CCAR1: variants seen among roughly 807,000 people sequenced by gnomAD.
CCAR1 encodes the protein cell division cycle and apoptosis regulator 1, also known as cell division cycle and apoptosis regulator protein 1.
In CCAR1, 78 loss-of-function variants were observed where a neutral mutation model predicts 163.8. The observed-to-expected ratio is 0.48, with a 90% CI of 0.40 to 0.57. The LOEUF is 0.57. CCAR1 is among the 20% of genes least tolerant of loss of function. The pLI is 0.00. For missense variants in CCAR1, 1,019 were observed against 1,365.2 expected, an observed-to-expected ratio of 0.75 and a Z score of 4.00; for synonymous variants, 443 against 460.7, an observed-to-expected ratio of 0.96 and a Z score of 0.49.
In CCAR1 at chr10:68,749,604, G is replaced by A; in HGVS notation, c.1037G>A (p.Arg346Lys). The A allele has an allele frequency of 6.2e-7, 1 of 1,614,034 alleles. No individual in the cohort carries two copies. Among genetic ancestry groups the A allele is most frequent in the Non-Finnish European group, 8.5e-7 (1 of 1,179,910 alleles). Reference sequence around the variant, plus strand: ...CGTTCCCGGGAAAGATCTCCACGAAGAGAGCGAGAGCGATCACCTCGGAGA... The same window carrying A: ...CGTTCCCGGGAAAGATCTCCACGAAAAGAGCGAGAGCGATCACCTCGGAGA... Reference protein sequence around the residue: ...RKRSRERSPRRERERSPRRVR... With the variant: ...RKRSRERSPRKERERSPRRVR... The change falls in exon 10 of 25, where the codon AGA becomes AAA. Residue 346 changes from arginine (R) to lysine (K), a missense_variant. Coordinates refer to ENST00000265872, the MANE Select transcript of CCAR1 (RefSeq NM_018237.4).
At chr10:68,770,167 CTT>C (rs2056584892) in intron 17 of CCAR1, among the ~76,000 whole-genome samples, 1 of 152,058 alleles carries the variant, frequency 6.6e-6, no homozygotes, top group Non-Finnish European at 1.5e-5. Context: ...ACTATTCTCT[CTT>C]GTTATACTCT....
At chr10:68,770,905 G>A (rs2056593666) in intron 17 of CCAR1, among the ~76,000 whole-genome samples, 1 of 152,126 alleles carries the variant, frequency 6.6e-6, no homozygotes, top group South Asian at 2.1e-4. Flanking sequence ...GTGAAACCCT[G>A]TCTCTACTAA....
At chr10:68,775,732 T>A (rs1481807570) in intron 19 of CCAR1, among the ~76,000 whole-genome samples, 2 of 135,796 alleles carry the variant, frequency 1.5e-5, no homozygotes, top group Non-Finnish European at 3.1e-5. Flanking sequence ...AGTCTCACTC[T>A]GTTGCCCAGG....
intron 8 of CCAR1, 58 bp from the exon 9 acceptor site, chr10:68,749,078 T>C (rs1018352581): frequency 3.7e-6 from 6 of 1,603,038 alleles, no homozygotes; most frequent in Non-Finnish European, 5.1e-6. Flanking sequence ...TTTTATCAGG[T>C]AATGCCTTCG....
In CCAR1 at chr10:68,756,598, C is replaced by T; in HGVS notation, c.1836+115C>T. 1.2e-6 allele frequency: 1 copy of T among 829,388 alleles called. No homozygotes were observed. 51.4% of individuals were successfully genotyped at this position (829,388 alleles called of 1,614,324 possible). A position where few individuals can be genotyped will look rare whatever the true frequency, so the allele number is the denominator to read the frequency against. On this transcript the variant is annotated intron_variant, in intron 14 of 24. Transcript: ENST00000265872. This position sits in a 1 kb window ranked among gnomAD's most constrained non-coding sequence, Gnocchi z 5.1. ...ACACATGGAGGAACATAACTGGTAACAGCGACTGGTAATCCAGCTTTCAGC... is the reference window on the plus strand; with the variant it reads ...ACACATGGAGGAACATAACTGGTAATAGCGACTGGTAATCCAGCTTTCAGC...
intron 10 of CCAR1, among the ~76,000 whole-genome samples, chr10:68,750,241 G>T (rs1158076381): frequency 7.4e-6 from 1 of 134,598 alleles, no homozygotes; most frequent in African/African-American, 2.8e-5. Context: ...TTTGAGATAG[G>T]GTCTTACTCT....
intron 20 of CCAR1, 68 bp downstream of exon 20, chr10:68,786,286 G>A (rs2056794529): frequency 2.6e-6 from 3 of 1,169,206 alleles, no homozygotes; most frequent in Non-Finnish European, 3.7e-6. Flanking sequence ...TAACACAGTT[G>A]TGAAGTTTAT....
At chr10:68,724,074 C>T (rs1417007429) in intron 2 of CCAR1, among the ~76,000 whole-genome samples, 1 of 151,700 alleles carries the variant, frequency 6.6e-6, no homozygotes, top group Non-Finnish European at 1.5e-5. Flanking sequence ...TGGAGAATCG[C>T]TTGAACGTGG....
rs145733757 is a variant in CCAR1, at chr10:68,767,618, C to T, written c.2298+1539C>T. ...GGAGTGCAGTGGCTCGATGTTGGCT[C>T]ACTGCAACCTCCGCCTCCCAGGTTT... On this transcript the variant is annotated intron_variant, in intron 17 of 24. Coordinates refer to ENST00000265872, the MANE Select transcript of CCAR1 (RefSeq NM_018237.4). Among the ~76,000 whole-genome samples the T allele has an allele frequency of 2.6e-5, 4 of 152,292 alleles. No individual in the cohort carries two copies. The East Asian group carries it at 7.7e-4, about 29-fold the overall frequency.
chr10:68,735,524 C>T (rs1361997008), intron 2 of CCAR1, among the ~76,000 whole-genome samples: 1 of 152,022 alleles, frequency 6.6e-6, no homozygotes, highest in Non-Finnish European at 1.5e-5. Context: ...CCTATCTCAG[C>T]CCCCTGAGTA....
At chr10:68,723,819 G>T (rs1245313088) in intron 2 of CCAR1, among the ~76,000 whole-genome samples, 1 of 144,186 alleles carries the variant, frequency 6.9e-6, no homozygotes, top group Non-Finnish European at 1.5e-5. Flanking sequence ...CTGCACTTCA[G>T]CCTGGGTGAC....
intron 19 of CCAR1, among the ~76,000 whole-genome samples, chr10:68,779,094 C>T (rs973642879): frequency 1.3e-5 from 2 of 152,090 alleles, no homozygotes; most frequent in South Asian, 2.1e-4. Context: ...CCGCCTGCCT[C>T]GGCCTCTCAG....
At chr10:68,743,715 GTAT>G (rs2056215042) in intron 6 of CCAR1, among the ~76,000 whole-genome samples, 1 of 147,310 alleles carries the variant, frequency 6.8e-6, no homozygotes, top group South Asian at 2.2e-4. Flanking sequence ...GCTAATTTTT[GTAT>G]TATTTATTTG....
At chr10:68,755,564 A>AAGTGTTTTACTGAT (rs2056388808) in intron 13 of CCAR1, 28 bp downstream of exon 13, 1 of 1,585,552 alleles carries the variant, frequency 6.3e-7, no homozygotes, top group Non-Finnish European at 8.6e-7. Flanking sequence ...TCTTGATTAG[A>AAGTGTTTTACTGAT]AGTGTTTTAC....
chr10:68,749,398 C>G, intron 9 of CCAR1, 126 bp from the exon 10 acceptor site: 4 of 1,274,982 alleles, frequency 3.1e-6, no homozygotes, highest in Non-Finnish European at 4.2e-6. Context: ...TATTTTACTA[C>G]AATTTTTAAA....
At chr10:68,751,888 A>G (rs540012353) in intron 10 of CCAR1, among the ~76,000 whole-genome samples, 1 of 149,226 alleles carries the variant, frequency 6.7e-6, no homozygotes, top group African/African-American at 2.5e-5. Flanking sequence ...ATAATAATAA[A>G]TTACACCTTC....
At chr10:68,784,107 A>T (rs2056768741) in intron 19 of CCAR1, among the ~76,000 whole-genome samples, 1 of 152,118 alleles carries the variant, frequency 6.6e-6, no homozygotes, top group Non-Finnish European at 1.5e-5. Flanking sequence ...TTTGAGATGC[A>T]ATCTGCTTCT....
At chr10:68,743,425 G>A (rs1482423364) in intron 6 of CCAR1, among the ~76,000 whole-genome samples, 2 of 150,886 alleles carry the variant, frequency 1.3e-5, no homozygotes, top group Non-Finnish European at 3.0e-5. Flanking sequence ...CGGCCTCCCA[G>A]GAAGTGCTGG....
chr10:68,729,274 G>T (rs543851809), intron 2 of CCAR1, among the ~76,000 whole-genome samples: 320 of 141,794 alleles, frequency 2.3e-3, no homozygotes, highest in Non-Finnish European at 4.2e-3. Context: ...GGTTTTTTTG[G>T]TTTTTTTTTT....
Sources: gnomAD v4.1 joint callset for allele counts (sites outside exome capture counted in the v4.1 genomes callset) on GRCh38, gnomAD v4.1.1 for gene constraint, Gnocchi (gnomAD v3.1) non-coding constraint, MANE v1.5 for transcripts, NCBI Gene and HGNC (gene_info 2026-07-23, HGNC 2026-07-21) for gene names.